The following LTBP2 variants were observed in gnomAD, a reference collection of about 807,000 sequenced individuals.
The protein encoded by LTBP2 is latent-transforming growth factor beta-binding protein 2.
In LTBP2, 103 loss-of-function variants were observed where a neutral mutation model predicts 210.6. That is an observed-to-expected ratio of 0.49 (90% CI 0.42 to 0.58). The LOEUF (loss-of-function observed/expected upper bound fraction) is 0.58. Ranked by LOEUF, LTBP2 falls within the 20% of genes least tolerant of loss-of-function variation. The probability of loss-of-function intolerance (pLI) is 0.00; values close to 1 mark genes in which losing one functional copy is unlikely to be tolerated. For missense variants in LTBP2, 2,313 were observed against 2,494.5 expected (o/e 0.93, Z 1.55); for synonymous variants, 1,007 against 1,015.0 (o/e 0.99, Z 0.15).
chr14:74,531,779 G>A (rs2087353634), intron 10 of LTBP2, among the ~76,000 whole-genome samples: 1 of 152,236 alleles, frequency 6.6e-6, no homozygotes, highest in South Asian at 2.1e-4. Flanking sequence ...CCCAGGGAAA[G>A]CCCTATCTGG....
chr14:74,532,453 G>A lies in LTBP2; in HGVS notation c.1960C>T (p.Leu654=), dbSNP rs772375927. ...YLCTCRPGLM[L]DPSRSRCVSD... ...ACACAGCGGCTCCGCGATGGATCCA[G>A]CATGAGGCCAGGTCTGCATGTGCAC... The change falls in exon 10 of 36, where the codon CTG becomes TTG. Residue 654 remains leucine, a synonymous_variant. Coordinates refer to ENST00000261978, the MANE Select transcript of LTBP2 (RefSeq NM_000428.3). 1.2e-6 allele frequency: 2 copies of A among 1,614,150 alleles called. No individual in the cohort carries two copies. Among genetic ancestry groups the A allele is most frequent in the Admixed American group, 3.3e-5 (2 of 60,030 alleles).
At chr14:74,502,466 G>A in intron 34 of LTBP2, 187 bp downstream of exon 34, 1 of 742,200 alleles carries the variant, frequency 1.3e-6, no homozygotes, top group Non-Finnish European at 2.4e-6. Context: ...GTTTATGACG[G>A]AGTTGTTAGG....
chr14:74,574,990 C>CA (rs150039420), intron 3 of LTBP2, among the ~76,000 whole-genome samples: 4,203 of 152,308 alleles, frequency 0.028, 195 homozygotes, highest in African/African-American at 0.093. Flanking sequence ...GCATCCTCAC[C>CA]AACCCAGAGA....
At chr14:74,520,134 A>G (rs1048731859) in intron 17 of LTBP2, among the ~76,000 whole-genome samples, 2 of 152,176 alleles carry the variant, frequency 1.3e-5, no homozygotes, top group East Asian at 1.9e-4. Flanking sequence ...TACTGCATTC[A>G]TGATTATTCC....
intron 2 of LTBP2, among the ~76,000 whole-genome samples, chr14:74,599,313 C>A (rs1253078866): frequency 1.3e-5 from 2 of 152,122 alleles, no homozygotes; most frequent in African/African-American, 4.8e-5. Flanking sequence ...TCGACAGCTG[C>A]AGGGATTCTC....
chr14:74,516,348 A>ATCCCTCCCCCCCCCCCCCCCCCCCCCCCC (rs2087134529), intron 18 of LTBP2, among the ~76,000 whole-genome samples: 1 of 108,526 alleles, frequency 9.2e-6, no homozygotes, highest in African/African-American at 3.7e-5. Flanking sequence ...AGGATCTGGA[A>ATCCCTCCCCCCCCCCCCCCCCCCCCCCCC]TCCCTCCCTC....
Position 74,555,566 on chromosome 14 carries a change from C to G in LTBP2, c.958G>C (p.Gly320Arg), listed in dbSNP as rs2087717614. 6.2e-7 allele frequency: 1 copy of G among 1,612,546 alleles called. No homozygotes were observed. The highest frequency in any genetic ancestry group is 1.3e-5 in the African/African-American group (1 of 74,894). Residue 320 changes from glycine to arginine, a missense_variant, in exon 4 of 36, where the codon GGC (glycine) becomes CGC (arginine). Around this residue, in one of 3 missense-constraint regions of LTBP2, gnomAD observed 1,867 missense variants for 1,976.9 expected, o/e 0.94. Coordinates refer to ENST00000261978, the MANE Select transcript of LTBP2 (RefSeq NM_000428.3). ...TGGGTGCCATCTCTCTGCTCAAGGC[C>G]TGGTCCCGGGGGCAGGGCGTTGGAA... ...LSSNALPPGP[G>R]LEQRDGTQQA...
chr14:74,545,457 C>A (rs1424723748), intron 8 of LTBP2, among the ~76,000 whole-genome samples: 7 of 152,200 alleles, frequency 4.6e-5, no homozygotes, highest in African/African-American at 1.7e-4. Context: ...TCTGTTCTCC[C>A]TGGAGATACA....
Position 74,551,309 on chromosome 14 carries a change from G to A in LTBP2, c.1441C>T (p.Pro481Ser). 1 of 1,594,154 alleles carries A rather than the reference G, an allele frequency of 6.3e-7. No individual in the cohort carries two copies. The highest frequency in any genetic ancestry group is 8.6e-7 in the Non-Finnish European group (1 of 1,168,016). ...TGGATCTGCACTGAGGCCTCGGGTG[G>A]GTGGTGAATGTGCACCTTCACCAGG... ...PSLVKVHIHH[P>S]PEASVQIHQV... The change falls in exon 7 of 36, where the codon CCA becomes TCA. Residue 481 changes from proline to serine, a missense_variant. By Grantham distance (74) the Pro-to-Ser change is moderately conservative. Around this residue, in one of 3 missense-constraint regions of LTBP2, gnomAD observed 1,867 missense variants for 1,976.9 expected, o/e 0.94. Coordinates refer to ENST00000261978, the MANE Select transcript of LTBP2 (RefSeq NM_000428.3).
At chr14:74,568,054 G>A (rs1039116627) in intron 3 of LTBP2, among the ~76,000 whole-genome samples, 1 of 152,124 alleles carries the variant, frequency 6.6e-6, no homozygotes, top group African/African-American at 2.4e-5. Context: ...GGTAGGGAGA[G>A]GCCGAGCATA....
At chr14:74,576,040 T>G (rs533655364) in intron 3 of LTBP2, among the ~76,000 whole-genome samples, 55 of 152,218 alleles carry the variant, frequency 3.6e-4, no homozygotes, top group Admixed American at 1.4e-3. Flanking sequence ...GTCCAGACTC[T>G]CAGCACTCCT....
intron 30 of LTBP2, among the ~76,000 whole-genome samples, chr14:74,504,394 T>A (rs980390649): frequency 6.6e-6 from 1 of 152,092 alleles, no homozygotes; most frequent in African/African-American, 2.4e-5. Context: ...CTACTGTGAG[T>A]GTGTGTTCCC....
chr14:74,577,131 C>G (rs2088068072), intron 3 of LTBP2, among the ~76,000 whole-genome samples: 2 of 151,722 alleles, frequency 1.3e-5, no homozygotes, highest in South Asian at 4.2e-4. Flanking sequence ...CCAGAAAAAC[C>G]CAAGGAGCAA....
At chr14:74,545,780 C>G (rs1351996275) in intron 8 of LTBP2, among the ~76,000 whole-genome samples, 1 of 152,172 alleles carries the variant, frequency 6.6e-6, no homozygotes, top group Non-Finnish European at 1.5e-5. Context: ...GAGCTGGGAC[C>G]CTTTGATAAA....
chr14:74,529,266 T>C, intron 10 of LTBP2, 144 bp from the exon 11 acceptor site: 7 of 959,036 alleles, frequency 7.3e-6, no homozygotes, highest in Non-Finnish European at 1.1e-5. Context: ...TTTGGAGCCC[T>C]GCAAATGCTC....
intron 18 of LTBP2, among the ~76,000 whole-genome samples, chr14:74,512,306 G>A (rs959576612): frequency 5.9e-5 from 9 of 152,212 alleles, no homozygotes; most frequent in Admixed American, 2.0e-4. Context: ...CATTGGCCAA[G>A]GAAAGAGGAG....
chr14:74,510,873 C>T (rs558015579), intron 19 of LTBP2, among the ~76,000 whole-genome samples: 6 of 152,326 alleles, frequency 3.9e-5, no homozygotes, highest in South Asian at 2.1e-4. Flanking sequence ...GCAGTTTAGA[C>T]GCTGCTTTTG....
chr14:74,553,160 T>C, intron 4 of LTBP2, 98 bp from the exon 5 acceptor site: 1 of 1,208,898 alleles, frequency 8.3e-7, no homozygotes, highest in Non-Finnish European at 1.2e-6. Flanking sequence ...AGGGCTGCAT[T>C]CATCTCAAGG....
chr14:74,582,622 C>T (rs1335628339), intron 3 of LTBP2, among the ~76,000 whole-genome samples: 6 of 152,126 alleles, frequency 3.9e-5, no homozygotes, highest in African/African-American at 1.4e-4. Context: ...ACTATTGGCT[C>T]AGAGAGGTTA....
Sources: allele counts gnomAD v4.1 joint callset (sites outside exome capture counted in the v4.1 genomes callset), GRCh38; gene constraint gnomAD v4.1.1; regional missense constraint gnomAD v4.1.1; transcripts MANE v1.5; gene names NCBI Gene and HGNC (gene_info 2026-07-23, HGNC 2026-07-21).